NAV3: variants seen among roughly 807,000 people sequenced by gnomAD.
NAV3 encodes pore membrane and/or filament interacting like protein 1.
A neutral mutation model predicts 244.7 loss-of-function variants in NAV3; 87 were observed. The ratio of observed to expected loss-of-function variants is 0.36; its 90% CI spans 0.30 to 0.42. The LOEUF (loss-of-function observed/expected upper bound fraction) is 0.42, where lower values mean the gene tolerates loss of function less well. NAV3 is among the 20% of genes least tolerant of loss of function. The pLI is 1.00. For synonymous variants in NAV3, 1,126 were observed against 1,042.2 expected (o/e 1.08, Z -1.55); for missense variants, 2,663 against 2,893.3 (o/e 0.92, Z 1.83).
chr12:78,133,937 A>G (rs1956269808), intron 18 of NAV3, among the ~76,000 whole-genome samples: 1 of 152,178 alleles, frequency 6.6e-6, no homozygotes, highest in Admixed American at 6.5e-5. Context: ...AAGAGGTCAT[A>G]GTTCTTGTGA....
At chr12:77,968,837 G>T in intron 5 of NAV3, 135 bp downstream of exon 5, 3 of 851,296 alleles carry the variant, frequency 3.5e-6, no homozygotes, top group Non-Finnish European at 1.8e-6. Context: ...TTTGACTTGT[G>T]TAATAGAAAC....
At chr12:77,673,538 T>C (rs1365008135) in intron 2 of NAV3, among the ~76,000 whole-genome samples, 2 of 152,156 alleles carry the variant, frequency 1.3e-5, no homozygotes, top group Non-Finnish European at 2.9e-5. Flanking sequence ...ACATTTATTT[T>C]GATAAATATG....
chr12:78,095,218 GAATAAAACCTCT>G (rs1029164612), intron 12 of NAV3, among the ~76,000 whole-genome samples: 1 of 151,802 alleles, frequency 6.6e-6, no homozygotes, highest in Non-Finnish European at 1.5e-5. Context: ...ACAGCACAGT[GAATAAAACCTCT>G]GTACCAGAAT....
At chr12:77,791,102 T>C (rs1350286220) in intron 2 of NAV3, among the ~76,000 whole-genome samples, 1 of 152,156 alleles carries the variant, frequency 6.6e-6, no homozygotes, top group African/African-American at 2.4e-5. Context: ...ATGCCTGTAG[T>C]CCCAGCACTT....
chr12:77,968,965 G>A (rs1242681690), intron 5 of NAV3, among the ~76,000 whole-genome samples: 3 of 152,144 alleles, frequency 2.0e-5, no homozygotes, highest in Non-Finnish European at 4.4e-5. Flanking sequence ...TTTGGTGTAA[G>A]TAATGTGGCA....
At position 77,666,759 on chromosome 12, in the gene NAV3, T is replaced by G. The variant is rs147052136; in HGVS notation, c.72+94493T>G. ...CATCAGATAGGAGGAGAAAATTTGT[T>G]TCAAAGTTTTTCTTTTAAGGTTGAT... On this transcript the variant is annotated intron_variant, in intron 2 of 8. Coordinates refer to the NAV3 transcript ENST00000550042. 3.3e-5 allele frequency among the ~76,000 whole-genome samples: 5 copies of G among 152,318 alleles called. No homozygotes were observed. In the East Asian group the frequency reaches 7.7e-4, roughly 24 times the overall value.
At chr12:78,078,891 A>G (rs1030326720) in intron 12 of NAV3, among the ~76,000 whole-genome samples, 3 of 152,232 alleles carry the variant, frequency 2.0e-5, no homozygotes, top group Admixed American at 1.3e-4. Flanking sequence ...CACTTTAGCA[A>G]GAGAGAAGTA....
chr12:78,192,769 A>T (rs1959040845), intron 34 of NAV3, among the ~76,000 whole-genome samples: 1 of 152,128 alleles, frequency 6.6e-6, no homozygotes, highest in African/African-American at 2.4e-5. Flanking sequence ...CACAAATTAT[A>T]ACTAAAAAAT....
At chr12:77,805,286 T>A (rs1005879494) in intron 2 of NAV3, among the ~76,000 whole-genome samples, 1 of 152,244 alleles carries the variant, frequency 6.6e-6, no homozygotes, top group Non-Finnish European at 1.5e-5. Context: ...CCTTTCAGTA[T>A]GATATTGGCT....
chr12:77,664,014 T>C (rs1565760687), intron 2 of NAV3, among the ~76,000 whole-genome samples: 1 of 152,146 alleles, frequency 6.6e-6, no homozygotes, highest in African/African-American at 2.4e-5. Flanking sequence ...TTTGTCATAG[T>C]CAATGTCATG....
chr12:77,934,407 A>T (rs1677896), intron 1 of NAV3, among the ~76,000 whole-genome samples: 127,550 of 151,952 alleles, frequency 0.84, 53,645 homozygotes, highest in East Asian at 0.98. Flanking sequence ...GGGAAATTAT[A>T]AAAAAAAAGT....
chr12:77,772,897 C>A (rs867787713), intron 2 of NAV3, among the ~76,000 whole-genome samples: 1 of 152,294 alleles, frequency 6.6e-6, no homozygotes, highest in Non-Finnish European at 1.5e-5. Flanking sequence ...GTTCCTCTCT[C>A]CTTTCATTGT....
intron 2 of NAV3, among the ~76,000 whole-genome samples, chr12:77,607,659 A>G (rs9668805): frequency 0.034 from 5,160 of 152,160 alleles, 118 homozygotes; most frequent in East Asian, 0.11. Flanking sequence ...ATGTCTAATT[A>G]TCAAGCATTC....
At position 78,087,228 on chromosome 12, in the gene NAV3, C is replaced by T. The variant is rs143218692; in HGVS notation, c.2636+28113C>T. Reference sequence around the variant, plus strand: ...CTCACTGAAATCAAGGATTTCTTTGCTGAGCTGCCAAGATACATAAATCTT... The same window carrying T: ...CTCACTGAAATCAAGGATTTCTTTGTTGAGCTGCCAAGATACATAAATCTT... On this transcript the variant is annotated intron_variant, in intron 12 of 39. Coordinates refer to ENST00000397909, the MANE Select transcript of NAV3 (RefSeq NM_001024383.2). Among the ~76,000 whole-genome samples the T allele has an allele frequency of 6.9e-3, 1,055 of 152,066 alleles. 14 individuals carry two copies. The highest frequency in any genetic ancestry group is 0.03 in the South Asian group (143 of 4,822).
chr12:77,998,744 T>C (rs1872760462), intron 7 of NAV3, among the ~76,000 whole-genome samples: 1 of 152,240 alleles, frequency 6.6e-6, no homozygotes, highest in Non-Finnish European at 1.5e-5. Context: ...CAAATGCATG[T>C]AAATCACATT....
At chr12:77,931,481 G>A (rs1333436006) in intron 1 of NAV3, among the ~76,000 whole-genome samples, 1 of 151,680 alleles carries the variant, frequency 6.6e-6, no homozygotes, top group African/African-American at 2.4e-5. Context: ...CTTTTTATCT[G>A]TCTATTTTGG....
intron 17 of NAV3, among the ~76,000 whole-genome samples, chr12:78,127,604 A>G (rs1230326678): frequency 2.6e-5 from 4 of 152,162 alleles, no homozygotes; most frequent in African/African-American, 9.7e-5. Flanking sequence ...ACTTTTGCCT[A>G]TTAGAGTCAT....
At chr12:78,128,530 A>G (rs898286383) in intron 17 of NAV3, among the ~76,000 whole-genome samples, 176 bp from the exon 18 acceptor site, 5 of 151,878 alleles carry the variant, frequency 3.3e-5, no homozygotes, top group African/African-American at 7.3e-5. Flanking sequence ...TTTTTTCCCT[A>G]TGTGATTCAA....
At chr12:78,135,911 A>G (rs1214333334) in intron 18 of NAV3, among the ~76,000 whole-genome samples, 1 of 152,028 alleles carries the variant, frequency 6.6e-6, no homozygotes, top group Non-Finnish European at 1.5e-5. Flanking sequence ...TACATTTTAA[A>G]TATGTGATTC....
Sources: allele counts gnomAD v4.1 joint callset (sites outside exome capture counted in the v4.1 genomes callset), GRCh38; gene constraint gnomAD v4.1.1; transcripts MANE v1.5; gene names NCBI Gene and HGNC (gene_info 2026-07-23, HGNC 2026-07-21).